The following SMOC1 variants were observed in gnomAD, a reference collection of about 807,000 sequenced individuals.
SMOC1 encodes SPARC-related modular calcium-binding protein 1.
A neutral mutation model predicts 56.3 loss-of-function variants in SMOC1; 22 were observed. That is an observed-to-expected ratio of 0.39 (90% CI 0.28 to 0.56). SMOC1 has a LOEUF of 0.56. SMOC1 is among the 20% of genes least tolerant of loss of function. SMOC1 has a pLI of 0.61. For missense variants in SMOC1, 509 were observed against 565.4 expected (o/e 0.90, Z 1.01); for synonymous variants, 193 against 215.0 (o/e 0.90, Z 0.89).
intron 1 of SMOC1, among the ~76,000 whole-genome samples, chr14:69,946,855 C>T (rs1488391728): frequency 3.9e-5 from 6 of 152,158 alleles, no homozygotes; most frequent in Admixed American, 3.3e-4. Flanking sequence ...GCTGTCCTTG[C>T]AATAGTGAGT....
chr14:70,011,391 T>C, intron 8 of SMOC1, 94 bp from the exon 9 acceptor site: 1 of 1,237,388 alleles, frequency 8.1e-7, no homozygotes, highest in Non-Finnish European at 1.2e-6. Flanking sequence ...TGCTTTAGGC[T>C]TGGTGACAAC....
chr14:69,920,081 A>G (rs1052897025), intron 1 of SMOC1, among the ~76,000 whole-genome samples: 1 of 152,124 alleles, frequency 6.6e-6, no homozygotes, highest in Non-Finnish European at 1.5e-5. Context: ...TAGTAAAGGG[A>G]TGTCTTCAGA....
chr14:69,897,944 T>G (rs1884140821), intron 1 of SMOC1, among the ~76,000 whole-genome samples: 1 of 152,200 alleles, frequency 6.6e-6, no homozygotes, highest in Admixed American at 6.5e-5. Context: ...GAATAACTTC[T>G]TTTAACATTT....
chr14:70,030,216 T>C, intron 11 of SMOC1, 26 bp from the exon 12 acceptor site: 1 of 1,609,698 alleles, frequency 6.2e-7, no homozygotes, highest in South Asian at 1.1e-5. Context: ...TTTTTTTTTT[T>C]TTTGCATTCT....
intron 1 of SMOC1, among the ~76,000 whole-genome samples, chr14:69,908,230 G>A (rs369213478): frequency 2.6e-5 from 4 of 152,178 alleles, no homozygotes; most frequent in Non-Finnish European, 5.9e-5. Flanking sequence ...ACACCAAAAC[G>A]TTGATCTGGG....
chr14:69,992,109 G>A (rs1459213392), intron 5 of SMOC1, among the ~76,000 whole-genome samples: 1 of 152,156 alleles, frequency 6.6e-6, no homozygotes, highest in Non-Finnish European at 1.5e-5. Context: ...GGGAACAAGG[G>A]CCAGCAGAGT....
At chr14:70,015,564 T>G (rs969948296) in intron 10 of SMOC1, among the ~76,000 whole-genome samples, 1 of 152,124 alleles carries the variant, frequency 6.6e-6, no homozygotes, top group African/African-American at 2.4e-5. Context: ...CATGGTCCCG[T>G]GAGCTCTGAG....
At chr14:69,974,911 G>A (rs926979829) in intron 3 of SMOC1, among the ~76,000 whole-genome samples, 1 of 152,088 alleles carries the variant, frequency 6.6e-6, no homozygotes, top group Non-Finnish European at 1.5e-5. Context: ...AGATCAATAG[G>A]CAAGCTGATC....
At chr14:69,907,331 T>C (rs994125963) in intron 1 of SMOC1, among the ~76,000 whole-genome samples, 1 of 152,240 alleles carries the variant, frequency 6.6e-6, no homozygotes, top group African/African-American at 2.4e-5. Context: ...TTAGATATCA[T>C]CTTTTTGCCT....
chr14:70,012,637 G>A (rs1885381414), intron 9 of SMOC1, among the ~76,000 whole-genome samples: 1 of 152,210 alleles, frequency 6.6e-6, no homozygotes, highest in Non-Finnish European at 1.5e-5. Context: ...GAGGAGCACT[G>A]GGAGTAGTGT....
At chr14:70,025,161 T>G (rs1885877377) in intron 11 of SMOC1, among the ~76,000 whole-genome samples, 1 of 152,188 alleles carries the variant, frequency 6.6e-6, no homozygotes, top group Non-Finnish European at 1.5e-5. Flanking sequence ...ACATGAAGGA[T>G]GAGTGGCTCT....
chr14:69,990,932 GGTTAGA>G (rs2139540984), intron 5 of SMOC1, among the ~76,000 whole-genome samples: 1 of 152,198 alleles, frequency 6.6e-6, no homozygotes, highest in South Asian at 2.1e-4. Context: ...CTCTAACAAG[GGTTAGA>G]GTCTCCATAG....
At chr14:69,880,071 G>A (rs1193962534) in intron 1 of SMOC1, among the ~76,000 whole-genome samples, 7 of 151,966 alleles carry the variant, frequency 4.6e-5, no homozygotes, top group Non-Finnish European at 1.0e-4. Flanking sequence ...ACCCTCAGAG[G>A]TGCCTCCTGC....
At chr14:69,881,786 A>G (rs1388568894) in intron 1 of SMOC1, among the ~76,000 whole-genome samples, 2 of 152,206 alleles carry the variant, frequency 1.3e-5, no homozygotes, top group South Asian at 2.1e-4. Context: ...TAACAATAAG[A>G]GCTACCACTT....
chr14:69,897,103 C>T (rs1566664615), intron 1 of SMOC1, among the ~76,000 whole-genome samples: 1 of 152,190 alleles, frequency 6.6e-6, no homozygotes, highest in Non-Finnish European at 1.5e-5. Flanking sequence ...CAGGAACATT[C>T]CATGGAACTG....
chr14:69,932,357 T>C (rs1260670947), intron 1 of SMOC1, among the ~76,000 whole-genome samples: 1 of 152,198 alleles, frequency 6.6e-6, no homozygotes, highest in Non-Finnish European at 1.5e-5. Context: ...CTTCCTCTGC[T>C]GCGCTGGGGC....
intron 1 of SMOC1, among the ~76,000 whole-genome samples, chr14:69,944,968 G>A (rs1411594695): frequency 6.6e-6 from 1 of 152,116 alleles, no homozygotes; most frequent in African/African-American, 2.4e-5. Context: ...TTCCTTTAAA[G>A]AAAAGAAAGG....
chr14:69,909,822 G>A (rs2766463), intron 1 of SMOC1, among the ~76,000 whole-genome samples: 124,354 of 152,214 alleles, frequency 0.82, 52,793 homozygotes, highest in East Asian at 0.99. Flanking sequence ...TTCGGCCAAA[G>A]ATAATTCTAA....
At chr14:69,903,869 C>T (rs1482262755) in intron 1 of SMOC1, among the ~76,000 whole-genome samples, 3 of 151,294 alleles carry the variant, frequency 2.0e-5, no homozygotes, top group Admixed American at 2.0e-4. Context: ...GCCAAATCCC[C>T]CTCTGCAAGA....
Sources: gnomAD v4.1 joint callset for allele counts (sites outside exome capture counted in the v4.1 genomes callset) on GRCh38, gnomAD v4.1.1 for gene constraint, MANE v1.5 for transcripts, NCBI Gene and HGNC (gene_info 2026-07-23, HGNC 2026-07-21) for gene names.